The following KCND2 variants were observed in gnomAD, a reference collection of about 807,000 sequenced individuals.
KCND2 encodes the protein potassium voltage-gated channel subfamily D member 2.
A neutral mutation model predicts 54.4 loss-of-function variants in KCND2; 16 were observed. That is an observed-to-expected ratio of 0.29 (90% CI 0.20 to 0.45). KCND2 has a LOEUF of 0.45. Ranked by LOEUF, KCND2 falls within the 20% of genes least tolerant of loss-of-function variation. The pLI, the probability that KCND2 is intolerant of heterozygous loss-of-function variation, is 1.00. For synonymous variants in KCND2, 317 were observed against 310.7 expected (o/e 1.02, Z -0.21); for missense variants, 486 against 824.2 (o/e 0.59, Z 5.02).
intron 1 of KCND2, among the ~76,000 whole-genome samples, chr7:120,723,629 G>C (rs66991218): frequency 0.25 from 38,360 of 152,064 alleles, 5,329 homozygotes; most frequent in East Asian, 0.43. Context: ...GAGGCTGAAG[G>C]TTCCCTTGAG....
intron 1 of KCND2, among the ~76,000 whole-genome samples, chr7:120,640,657 G>T (rs1014882620): frequency 6.6e-6 from 1 of 151,960 alleles, no homozygotes; most frequent in South Asian, 2.1e-4. Flanking sequence ...AAAAGTTTTA[G>T]TAAGTTTCTT....
intron 1 of KCND2, among the ~76,000 whole-genome samples, chr7:120,590,090 C>T (rs761428731): frequency 6.6e-6 from 1 of 152,168 alleles, no homozygotes; most frequent in East Asian, 1.9e-4. Flanking sequence ...AACTCGATCT[C>T]GGCTCACTGC....
intron 1 of KCND2, among the ~76,000 whole-genome samples, chr7:120,605,428 G>A (rs1045384138): frequency 1.3e-5 from 2 of 152,146 alleles, no homozygotes; most frequent in South Asian, 4.1e-4. Flanking sequence ...GATTAATAAT[G>A]TTCCATTGTA....
intron 1 of KCND2, among the ~76,000 whole-genome samples, chr7:120,405,903 T>G (rs768455283): frequency 6.6e-6 from 1 of 152,010 alleles, no homozygotes; most frequent in African/African-American, 2.4e-5. Flanking sequence ...TAAATTGCAT[T>G]GAGTGTTTAT....
chr7:120,514,827 G>A (rs1446476665), intron 1 of KCND2, among the ~76,000 whole-genome samples: 1 of 151,950 alleles, frequency 6.6e-6, no homozygotes, highest in African/African-American at 2.4e-5. Context: ...TAGGGTTCAT[G>A]CTCCTCTAAG....
intron 1 of KCND2, among the ~76,000 whole-genome samples, chr7:120,320,740 C>T (rs1799882889): frequency 6.6e-6 from 1 of 152,032 alleles, no homozygotes; most frequent in Non-Finnish European, 1.5e-5. Context: ...AAGCAAAGAA[C>T]TAAGAGTCTA....
intron 1 of KCND2, among the ~76,000 whole-genome samples, chr7:120,308,007 T>C (rs1459152983): frequency 2.0e-5 from 3 of 152,138 alleles, no homozygotes; most frequent in Non-Finnish European, 2.9e-5. Context: ...CCTTTTTTTG[T>C]TCCATGAGTA....
chr7:120,519,026 G>A (rs1337048148), intron 1 of KCND2, among the ~76,000 whole-genome samples: 2 of 152,032 alleles, frequency 1.3e-5, no homozygotes, highest in Non-Finnish European at 2.9e-5. Context: ...GGGGCAATGT[G>A]ATACAGAATA....
At chr7:120,744,765 G>T (rs1292574311) in intron 4 of KCND2, among the ~76,000 whole-genome samples, 1 of 152,112 alleles carries the variant, frequency 6.6e-6, no homozygotes, top group African/African-American at 2.4e-5. Context: ...TAGGATGAGA[G>T]ATGGTTAAGT....
intron 1 of KCND2, among the ~76,000 whole-genome samples, chr7:120,507,760 C>T (rs2116326360): frequency 6.6e-6 from 1 of 151,992 alleles, no homozygotes; most frequent in Non-Finnish European, 1.5e-5. Flanking sequence ...AAATTCTTAT[C>T]TAACATAAAA....
rs534651103 is a variant in KCND2 at position 120,296,563 on chromosome 7, A to T, written c.1115+20816A>T. ...TATGGGAATGGTAATTGTTTACTTA[A>T]GAAAGCCTTTTTAGTTCATAGTAAA... On this transcript the variant is annotated intron_variant, in intron 1 of 5. Transcript: ENST00000331113. Among the ~76,000 whole-genome samples the T allele has an allele frequency of 3.7e-4, 57 of 152,270 alleles. No homozygotes were observed. The South Asian group carries it at 0.012, about 32-fold the overall frequency.
chr7:120,706,151 G>C (rs1463469555), intron 1 of KCND2, among the ~76,000 whole-genome samples: 1 of 152,078 alleles, frequency 6.6e-6, no homozygotes, highest in East Asian at 1.9e-4. Flanking sequence ...CAAAATGCTT[G>C]TTACCCCCAT....
intron 1 of KCND2, among the ~76,000 whole-genome samples, chr7:120,657,742 G>A (rs988161420): frequency 2.6e-5 from 4 of 152,036 alleles, no homozygotes; most frequent in African/African-American, 4.8e-5. Flanking sequence ...TAGATACTCC[G>A]CAGGCTGAGG....
At chr7:120,729,581 C>G (rs1168687493) in intron 1 of KCND2, among the ~76,000 whole-genome samples, 1 of 152,184 alleles carries the variant, frequency 6.6e-6, no homozygotes, top group East Asian at 1.9e-4. Flanking sequence ...TCTGCTTTCT[C>G]TCACAACAGC....
intron 1 of KCND2, among the ~76,000 whole-genome samples, chr7:120,632,910 T>G (rs4727911): frequency 0.39 from 59,209 of 151,994 alleles, 13,604 homozygotes; most frequent in African/African-American, 0.62. Flanking sequence ...GAAACATGAG[T>G]AATCTCCCAA....
chr7:120,516,768 A>G (rs1803202855), intron 1 of KCND2, among the ~76,000 whole-genome samples: 1 of 152,134 alleles, frequency 6.6e-6, no homozygotes, highest in African/African-American at 2.4e-5. Flanking sequence ...CATATATGAA[A>G]ATACAAATAC....
intron 1 of KCND2, among the ~76,000 whole-genome samples, chr7:120,641,926 A>T (rs1372883334): frequency 6.6e-6 from 1 of 152,012 alleles, no homozygotes; most frequent in Admixed American, 6.6e-5. Context: ...AAAACCAGTC[A>T]TTGTCATTCT....
intron 1 of KCND2, among the ~76,000 whole-genome samples, chr7:120,636,713 G>A (rs2116523403): frequency 6.6e-6 from 1 of 152,152 alleles, no homozygotes; most frequent in Admixed American, 6.5e-5. Context: ...ATGCACTGAA[G>A]AGCTGTCTGT....
intron 1 of KCND2, among the ~76,000 whole-genome samples, chr7:120,665,570 G>A (rs766536679): frequency 2.0e-5 from 3 of 152,028 alleles, no homozygotes; most frequent in Non-Finnish European, 2.9e-5. Flanking sequence ...AAGGCAGGGT[G>A]TTGTGTATGC....
Sources: allele counts gnomAD v4.1 joint callset (sites outside exome capture counted in the v4.1 genomes callset), GRCh38; gene constraint gnomAD v4.1.1; transcripts MANE v1.5; gene names NCBI Gene and HGNC (gene_info 2026-07-23, HGNC 2026-07-21).